ATP2B1: variants seen among roughly 807,000 people sequenced by gnomAD.
ATP2B1 encodes ATPase plasma membrane Ca2+ transporting 1, also known as plasma membrane calcium-transporting ATPase 1.
ATP2B1 carries 14 observed loss-of-function variants against 124.2 expected under a neutral mutation model. The observed-to-expected ratio is 0.11, with a 90% CI of 0.07 to 0.18. The LOEUF (loss-of-function observed/expected upper bound fraction) is 0.18, where lower values mean the gene tolerates loss of function less well. ATP2B1 is among the 10% of genes least tolerant of loss of function. ATP2B1 has a pLI of 1.00. For synonymous variants in ATP2B1, 449 were observed against 492.4 expected (o/e 0.91, Z 1.17); for missense variants, 763 against 1,466.1 (o/e 0.52, Z 7.83).
chr12:89,621,638 C>A lies in ATP2B1; in HGVS notation c.1498G>T (p.Val500Phe), dbSNP rs997873226. 22 of 1,611,584 alleles carry A rather than the reference C, an allele frequency of 1.4e-5. No homozygotes were observed. The highest frequency in any genetic ancestry group is 2.2e-5 in the East Asian group (1 of 44,696). The change falls in exon 10 of 21, where the codon GTT (valine) becomes TTT (phenylalanine). Residue 500 changes from valine (V) to phenylalanine (F), a missense_variant. Physicochemically the swap from Val to Phe is conservative, Grantham distance 50 (BLOSUM62 -1). Coordinates refer to ENST00000428670, the MANE Select transcript of ATP2B1 (RefSeq NM_001366521.1). ...AYINEKHYKK[V>F]PEPEAIPPNI... is the part of the protein sequence containing the mutation. ...GGTGGAATAGCTTCTGGTTCAGGAA[C>A]CTTTTTATAATGTTTTTCATTTATG...
chr12:89,708,056 C>T (rs894858220), intron 1 of ATP2B1, among the ~76,000 whole-genome samples: 4 of 152,316 alleles, frequency 2.6e-5, no homozygotes, highest in Admixed American at 2.0e-4. Flanking sequence ...GAATCACCGT[C>T]CTGACACGCC....
At chr12:89,674,096 G>T (rs1268513168) in intron 1 of ATP2B1, among the ~76,000 whole-genome samples, 2 of 152,152 alleles carry the variant, frequency 1.3e-5, no homozygotes, top group African/African-American at 2.4e-5. Context: ...AGGCTTATCT[G>T]CATGGTAGGT....
intron 1 of ATP2B1, among the ~76,000 whole-genome samples, chr12:89,687,937 T>C (rs537508667): frequency 1.1e-4 from 17 of 152,154 alleles, no homozygotes; most frequent in African/African-American, 3.4e-4. Flanking sequence ...TTTAGTTATA[T>C]GTAGAATGCT....
chr12:89,679,143 T>C (rs960404157), intron 1 of ATP2B1, among the ~76,000 whole-genome samples: 10 of 152,196 alleles, frequency 6.6e-5, no homozygotes, highest in East Asian at 3.9e-4. Context: ...AAAAGGACTT[T>C]TGAAGGTGGT....
rs769982978 is a variant in ATP2B1 at position 89,591,195 on chromosome 12, C to G, written c.3452G>C (p.Arg1151Thr). The G allele has an allele frequency of 6.2e-7, 1 of 1,613,198 alleles. No homozygotes were observed. The highest frequency in any genetic ancestry group is 8.5e-7 in the Non-Finnish European group (1 of 1,179,362). Residue 1151 changes from arginine (R) to threonine (T), a missense_variant, in exon 21 of 21, where the codon AGG (arginine) becomes ACG (threonine). Arg to Thr is a moderately conservative substitution (Grantham distance 71). Transcript: ENST00000428670. ...GATATGAGGCTCTGAATCTTCTATC[C>G]TAAACTCAGGATGTGTCATAAAGTT... is the stretch of plus-strand genomic sequence containing the variant. Reference protein sequence around the residue: ...IHNFMTHPEFRIEDSEPHIPL... With the variant: ...IHNFMTHPEFTIEDSEPHIPL...
intron 1 of ATP2B1, among the ~76,000 whole-genome samples, chr12:89,700,628 C>G (rs1891734101): frequency 6.6e-6 from 1 of 152,170 alleles, no homozygotes; most frequent in East Asian, 1.9e-4. Flanking sequence ...AAACAACTTA[C>G]TAATCTAACC....
At chr12:89,684,297 T>A (rs1218444122) in intron 1 of ATP2B1, among the ~76,000 whole-genome samples, 1 of 152,176 alleles carries the variant, frequency 6.6e-6, no homozygotes, top group Admixed American at 6.6e-5. Flanking sequence ...TTCTACATAT[T>A]CAAAATGTAA....
At chr12:89,601,294 T>C in intron 19 of ATP2B1, 32 bp downstream of exon 19, 3 of 1,419,874 alleles carry the variant, frequency 2.1e-6, no homozygotes, top group African/African-American at 1.5e-5. Flanking sequence ...AAAATCACTT[T>C]AGGTTTAAAC....
At chr12:89,609,893 A>G in intron 15 of ATP2B1, 44 bp downstream of exon 15, 1 of 1,548,250 alleles carries the variant, frequency 6.5e-7, no homozygotes, top group Non-Finnish European at 8.9e-7. Context: ...CAAACAAACC[A>G]GTCAGTAAAT....
intron 1 of ATP2B1, among the ~76,000 whole-genome samples, chr12:89,707,480 T>C (rs955153626): frequency 1.3e-5 from 2 of 152,102 alleles, no homozygotes; most frequent in African/African-American, 4.8e-5. Flanking sequence ...TGTAGCTAAT[T>C]TATCACGAAC....
intron 1 of ATP2B1, among the ~76,000 whole-genome samples, chr12:89,670,435 T>C (rs1188147649): frequency 6.6e-6 from 1 of 152,140 alleles, no homozygotes; most frequent in Non-Finnish European, 1.5e-5. Context: ...TTGGTTTGTT[T>C]TTTTCAACTT....
chr12:89,614,309 A>G (rs1425030351), intron 12 of ATP2B1, among the ~76,000 whole-genome samples: 1 of 152,208 alleles, frequency 6.6e-6, no homozygotes, highest in Non-Finnish European at 1.5e-5. Flanking sequence ...ACTGTACTCC[A>G]GCCTGGGCAA....
chr12:89,678,981 A>G (rs1565906229), intron 1 of ATP2B1, among the ~76,000 whole-genome samples: 1 of 152,062 alleles, frequency 6.6e-6, no homozygotes, highest in Non-Finnish European at 1.5e-5. Context: ...CCCATTTCAT[A>G]TTGTTACTTC....
At chr12:89,676,620 T>C (rs569157442) in intron 1 of ATP2B1, among the ~76,000 whole-genome samples, 1 of 152,122 alleles carries the variant, frequency 6.6e-6, no homozygotes, top group East Asian at 1.9e-4. Context: ...ACTATTGATG[T>C]TTATGTAGGT....
intron 15 of ATP2B1, among the ~76,000 whole-genome samples, chr12:89,609,229 A>G (rs1445441722): frequency 5.3e-5 from 8 of 152,182 alleles, no homozygotes; most frequent in Non-Finnish European, 1.0e-4. Flanking sequence ...AGCACCCCAT[A>G]AAAATCACAT....
chr12:89,691,017 A>T (rs1038015680), intron 1 of ATP2B1, among the ~76,000 whole-genome samples: 1 of 152,112 alleles, frequency 6.6e-6, no homozygotes, highest in African/African-American at 2.4e-5. Context: ...AAAAGGAAAA[A>T]CGATCTAGTT....
chr12:89,643,989 GT>G (rs1465832105), intron 2 of ATP2B1, among the ~76,000 whole-genome samples: 1 of 152,190 alleles, frequency 6.6e-6, no homozygotes, highest in Non-Finnish European at 1.5e-5. Context: ...GGGTATGGTG[GT>G]GGGTTCCTGT....
intron 6 of ATP2B1, among the ~76,000 whole-genome samples, chr12:89,628,143 C>T (rs1223942595): frequency 3.3e-5 from 5 of 152,028 alleles, no homozygotes; most frequent in Non-Finnish European, 7.4e-5. Flanking sequence ...TGGCTCATGC[C>T]TGTAATCCCA....
chr12:89,646,055 G>C (rs1310090060), intron 2 of ATP2B1, among the ~76,000 whole-genome samples: 1 of 152,128 alleles, frequency 6.6e-6, no homozygotes, highest in Non-Finnish European at 1.5e-5. Flanking sequence ...TTAAGGACTG[G>C]ATGTAGGATG....
Sources: gnomAD v4.1 joint callset for allele counts (sites outside exome capture counted in the v4.1 genomes callset) on GRCh38, gnomAD v4.1.1 for gene constraint, MANE v1.5 for transcripts, NCBI Gene and HGNC (gene_info 2026-07-23, HGNC 2026-07-21) for gene names.